Variants in WDPCP observed in about 807,000 individuals in gnomAD.
WDPCP encodes the protein WD repeat containing planar cell polarity effector.
In WDPCP, 71 loss-of-function variants were observed where a neutral mutation model predicts 93.1. That is an observed-to-expected ratio of 0.76 (90% CI 0.63 to 0.93). WDPCP has a LOEUF of 0.93. Ranked by LOEUF, WDPCP falls within the 40% of genes least tolerant of loss-of-function variation. The pLI, the probability that WDPCP is intolerant of heterozygous loss-of-function variation, is 0.00. For synonymous variants in WDPCP, 315 were observed against 315.0 expected (o/e 1.00, Z 0.00); for missense variants, 844 against 887.4 (o/e 0.95, Z 0.62).
chr2:63,654,713 T>A (rs913630625), intron 2 of WDPCP, among the ~76,000 whole-genome samples: 1 of 152,184 alleles, frequency 6.6e-6, no homozygotes, highest in African/African-American at 2.4e-5. Flanking sequence ...TACTTACATA[T>A]AACTTATGCA....
chr2:63,818,527 G>A (rs765283355), intron 1 of WDPCP, among the ~76,000 whole-genome samples: 16 of 152,122 alleles, frequency 1.1e-4, no homozygotes, highest in Non-Finnish European at 1.9e-4. Flanking sequence ...CTGAATTCTT[G>A]AATTAGGAGA....
At chr2:63,388,997 T>C (rs540661408) in intron 10 of WDPCP, among the ~76,000 whole-genome samples, 2 of 152,240 alleles carry the variant, frequency 1.3e-5, no homozygotes, top group East Asian at 3.9e-4. Flanking sequence ...CAAGGAGAAC[T>C]TCCTCAACCT....
chr2:63,809,325 C>T (rs1218049640), intron 2 of WDPCP, among the ~76,000 whole-genome samples: 3 of 146,130 alleles, frequency 2.1e-5, no homozygotes, highest in Non-Finnish European at 4.5e-5. Context: ...CCGCCCCGTC[C>T]GGGAGGTGAG....
Position 63,446,990 on chromosome 2 carries a change from T to A in WDPCP, c.385-7119A>T, listed in dbSNP as rs566187365. On this transcript the variant is annotated intron_variant, in intron 6 of 17. Coordinates refer to ENST00000272321, the MANE Select transcript of WDPCP (RefSeq NM_015910.7). ...CATTCCAGTTAATAAATCAGTCACA[T>A]CTGAATTTGGCTATTGTTAATGTTG... is the stretch of plus-strand genomic sequence containing the variant. Among the ~76,000 whole-genome samples the A allele has an allele frequency of 4.6e-5, 7 of 152,326 alleles. No individual in the cohort carries two copies. The South Asian group carries it at 1.5e-3, about 32-fold the overall frequency.
intron 3 of WDPCP, among the ~76,000 whole-genome samples, chr2:63,617,107 T>C (rs1409066667): frequency 6.6e-6 from 1 of 152,114 alleles, no homozygotes; most frequent in Non-Finnish European, 1.5e-5. Flanking sequence ...TTGTAATAAC[T>C]CTCAAGAAAG....
intron 6 of WDPCP, among the ~76,000 whole-genome samples, chr2:63,461,828 C>T (rs188270201): frequency 6.6e-4 from 100 of 152,302 alleles, no homozygotes; most frequent in African/African-American, 2.2e-3. Flanking sequence ...TTCTCTATCC[C>T]TTTTAATCAG....
intron 1 of WDPCP, among the ~76,000 whole-genome samples, chr2:63,526,859 C>T (rs1172003436): frequency 1.3e-5 from 2 of 152,136 alleles, no homozygotes; most frequent in African/African-American, 4.8e-5. Flanking sequence ...TCTTTGCTTA[C>T]TCATCTGAGT....
At chr2:63,691,566 C>T (rs538810066) in intron 2 of WDPCP, among the ~76,000 whole-genome samples, 20 of 151,790 alleles carry the variant, frequency 1.3e-4, no homozygotes, top group Non-Finnish European at 2.1e-4. Flanking sequence ...ACCTGGGGGG[C>T]GGAGGTTGCA....
chr2:63,326,594 G>T (rs559989297), intron 12 of WDPCP, among the ~76,000 whole-genome samples: 1 of 151,758 alleles, frequency 6.6e-6, no homozygotes, highest in African/African-American at 2.4e-5. Context: ...GTCAAAGAAG[G>T]AAAGAGAGAA....
chr2:63,726,641 A>G (rs1669500978), intron 2 of WDPCP, among the ~76,000 whole-genome samples: 1 of 152,214 alleles, frequency 6.6e-6, no homozygotes, highest in South Asian at 2.1e-4. Context: ...CAGTGTGGCC[A>G]TTTTAACACT....
At chr2:63,608,926 T>C (rs1017692274) in intron 3 of WDPCP, among the ~76,000 whole-genome samples, 3 of 152,192 alleles carry the variant, frequency 2.0e-5, no homozygotes, top group African/African-American at 7.2e-5. Flanking sequence ...AAATTTCATA[T>C]AGAATGAACA....
intron 6 of WDPCP, among the ~76,000 whole-genome samples, chr2:63,448,847 C>G (rs977427736): frequency 6.6e-6 from 1 of 151,980 alleles, no homozygotes; most frequent in Non-Finnish European, 1.5e-5. Flanking sequence ...ATGGTAGTTA[C>G]CATGCTAGGG....
intron 2 of WDPCP, among the ~76,000 whole-genome samples, chr2:63,722,591 C>A: frequency 6.9e-6 from 1 of 145,480 alleles, no homozygotes; most frequent in East Asian, 2.0e-4. Context: ...CGGCCAGCCG[C>A]CCCGTCCGGG....
chr2:63,716,482 G>A (rs17619753), intron 2 of WDPCP, among the ~76,000 whole-genome samples: 26,916 of 152,196 alleles, frequency 0.18, 2,535 homozygotes, highest in Middle Eastern at 0.22. Context: ...GTCCTCAGAA[G>A]TAATCTCTAT....
intron 12 of WDPCP, among the ~76,000 whole-genome samples, chr2:63,329,658 TA>T (rs1428989642): frequency 6.6e-6 from 1 of 152,168 alleles, no homozygotes; most frequent in Non-Finnish European, 1.5e-5. Context: ...TCTTTTCATT[TA>T]AAAAAATTTT....
At chr2:63,213,744 A>C (rs569349307) in intron 14 of WDPCP, among the ~76,000 whole-genome samples, 3 of 152,328 alleles carry the variant, frequency 2.0e-5, no homozygotes, top group African/African-American at 7.2e-5. Flanking sequence ...AATAAAGAAG[A>C]AAAGACGAAG....
intron 13 of WDPCP, among the ~76,000 whole-genome samples, chr2:63,291,872 G>A (rs1048262981): frequency 9.2e-5 from 14 of 151,374 alleles, no homozygotes; most frequent in Non-Finnish European, 1.3e-4. Context: ...GGGGGCTCAC[G>A]CCTGTAATCC....
At chr2:63,819,147 A>T (rs1670982351) in intron 1 of WDPCP, among the ~76,000 whole-genome samples, 1 of 152,202 alleles carries the variant, frequency 6.6e-6, no homozygotes, top group African/African-American at 2.4e-5. Context: ...TAGGATATGG[A>T]GGGCAAAGCA....
At chr2:63,147,967 C>CAAAAAAA in intron 17 of WDPCP, among the ~76,000 whole-genome samples, 1 of 87,506 alleles carries the variant, frequency 1.1e-5, no homozygotes, top group East Asian at 3.5e-4. Context: ...GACTCTGTCT[C>CAAAAAAA]AAAAAAAAAA....
Sources: allele counts gnomAD v4.1 joint callset (sites outside exome capture counted in the v4.1 genomes callset), GRCh38; gene constraint gnomAD v4.1.1; transcripts MANE v1.5; gene names NCBI Gene and HGNC (gene_info 2026-07-23, HGNC 2026-07-21).